KDM5B: variants seen among roughly 807,000 people sequenced by gnomAD.
KDM5B encodes lysine-specific demethylase 5B.
A neutral mutation model predicts 193.4 loss-of-function variants in KDM5B; 144 were observed. The observed-to-expected ratio is 0.74, with a 90% CI of 0.65 to 0.86. KDM5B has a LOEUF of 0.86. KDM5B is among the 40% of genes least tolerant of loss of function. KDM5B has a pLI of 0.00. For missense variants in KDM5B, 1,833 were observed against 1,886.9 expected (o/e 0.97, Z 0.53); for synonymous variants, 668 against 682.6 (o/e 0.98, Z 0.33).
chr1:202,794,789 T>C (rs969123258), intron 1 of KDM5B, among the ~76,000 whole-genome samples: 4 of 152,210 alleles, frequency 2.6e-5, no homozygotes, highest in Admixed American at 6.5e-5. Context: ...CCTGAAACCA[T>C]GGATAGCAAA....
At chr1:202,742,546 T>C (rs748985857) in intron 17 of KDM5B, 41 bp from the exon 18 acceptor site, 1 of 1,602,356 alleles carries the variant, frequency 6.2e-7, no homozygotes. Flanking sequence ...TAAGAATACA[T>C]ACATGTCCAC....
At position 202,808,170 on chromosome 1, in the gene KDM5B, AG is replaced by A; in HGVS notation, c.135del (p.Phe46SerfsTer10). ...FEPSWEEFAD[P>X]FAFIHKIRPI... Reference sequence around the variant, plus strand: ...GGCCGGATCTTGTGGATGAAAGCGAAGGGGTCCGCGAACTCTTCCCAGCTGG... The same window carrying A: ...GGCCGGATCTTGTGGATGAAAGCGAAGGGTCCGCGAACTCTTCCCAGCTGG... On this transcript the variant is annotated frameshift_variant, in exon 1 of 27. Coordinates refer to ENST00000367265, the MANE Select transcript of KDM5B (RefSeq NM_006618.5). LOFTEE classifies it high-confidence loss of function. 6.2e-7 allele frequency: 1 copy of A among 1,613,186 alleles called. No homozygotes were observed. Among genetic ancestry groups the A allele is most frequent in the Non-Finnish European group, 8.5e-7 (1 of 1,179,574 alleles).
At chr1:202,743,355 A>C (rs1194159228) in intron 16 of KDM5B, among the ~76,000 whole-genome samples, 2 of 151,668 alleles carry the variant, frequency 1.3e-5, no homozygotes, top group East Asian at 1.9e-4. Flanking sequence ...AAAAAAAAAA[A>C]AAAAAAAAAC....
chr1:202,758,228 G>T (rs905733293), intron 9 of KDM5B, among the ~76,000 whole-genome samples, 163 bp downstream of exon 9: 1 of 152,166 alleles, frequency 6.6e-6, no homozygotes, highest in Non-Finnish European at 1.5e-5. Flanking sequence ...GCTTTTTAAA[G>T]TATTGTGAAA....
intron 24 of KDM5B, among the ~76,000 whole-genome samples, 182 bp downstream of exon 24, chr1:202,731,646 T>C (rs1654886985): frequency 6.6e-6 from 1 of 152,192 alleles, no homozygotes; most frequent in Non-Finnish European, 1.5e-5. Context: ...TTCCTCTCTG[T>C]TCCTTTGCAT....
chr1:202,763,012 T>A lies in KDM5B; in HGVS notation c.809-204A>T, dbSNP rs371709227. Among the ~76,000 whole-genome samples, 17 of 152,314 alleles carry A rather than the reference T, an allele frequency of 1.1e-4. 1 individual carries two copies. The highest frequency in any genetic ancestry group is 6.5e-4 in the Admixed American group (10 of 15,282). On this transcript the variant is annotated intron_variant, in intron 6 of 26. Transcript: ENST00000367265. ...ATGCAAACTCTTGTGCCATTTAAAT[T>A]TCAAGATGTAGATTACTTCTGGAGA...
At chr1:202,774,845 ATTTT>A (rs11337395) in intron 2 of KDM5B, 110 bp from the exon 3 acceptor site, 3 of 1,012,272 alleles carry the variant, frequency 3.0e-6, no homozygotes, top group Non-Finnish European at 4.3e-6. Context: ...ACTTAAAAAA[ATTTT>A]TTTTTAATTT....
In KDM5B at chr1:202,735,427, A is replaced by G. The variant is rs1558480964; in HGVS notation, c.3423+2T>C. 2 of 1,610,928 alleles carry G rather than the reference A, an allele frequency of 1.2e-6. No homozygotes were observed. Among genetic ancestry groups the G allele is most frequent in the African/African-American group, 1.3e-5 (1 of 74,634 alleles). Reference sequence around the variant, plus strand: ...AAAGGAGAAGAAAAAAACCCTACATACAGCTGAAGCAGTCTCCTTGCTTTC... The same window carrying G: ...AAAGGAGAAGAAAAAAACCCTACATGCAGCTGAAGCAGTCTCCTTGCTTTC... On this transcript the variant is annotated splice_donor_variant, in intron 22 of 26. Transcript: ENST00000367265. LOFTEE classifies it high-confidence loss of function.
chr1:202,746,204 A>G lies in KDM5B; in HGVS notation c.2136T>C (p.Leu712=), dbSNP rs1382382607. 1.9e-6 allele frequency: 3 copies of G among 1,613,830 alleles called. No homozygotes were observed. Among genetic ancestry groups the G allele is most frequent in the Non-Finnish European group, 2.5e-6 (3 of 1,179,874 alleles). The change falls in exon 15 of 27, where the codon CTT becomes CTC. Residue 712 remains leucine (L), a synonymous_variant. Coordinates refer to ENST00000367265, the MANE Select transcript of KDM5B (RefSeq NM_006618.5). The stretch of plus-strand genomic sequence containing the variant: ...CTTTTACATGATGCAGGCAAACAAG[A>G]AGGCCAGGTTTACAAGAACAGGAGA... ...SAISCSCKPG[L]LVCLHHVKEL...
At chr1:202,733,188 G>A (rs187353175) in intron 23 of KDM5B, among the ~76,000 whole-genome samples, 1 of 152,328 alleles carries the variant, frequency 6.6e-6, no homozygotes, top group Admixed American at 6.5e-5. Flanking sequence ...TATAGAAAGA[G>A]TGCCTGGGAA....
At chr1:202,758,570 A>G (rs1656112791) in intron 8 of KDM5B, 60 bp from the exon 9 acceptor site, 6 of 1,383,406 alleles carry the variant, frequency 4.3e-6, no homozygotes, top group African/African-American at 1.4e-5. Context: ...TACTTGGTCA[A>G]TCATCAAGCT....
At chr1:202,794,029 C>T (rs2102335180) in intron 1 of KDM5B, among the ~76,000 whole-genome samples, 1 of 152,274 alleles carries the variant, frequency 6.6e-6, no homozygotes, top group Non-Finnish European at 1.5e-5. Flanking sequence ...CTGAGACAGG[C>T]AAAAGTCTAA....
chr1:202,752,797 G>T, intron 12 of KDM5B, 108 bp downstream of exon 12: 2 of 1,048,720 alleles, frequency 1.9e-6, no homozygotes, highest in Non-Finnish European at 2.8e-6. Context: ...ATCAAGTCAT[G>T]CTATGGAAAA....
Position 202,773,118 on chromosome 1 carries a change from C to T in KDM5B, c.576G>A (p.Arg192=), listed in dbSNP as rs565280351. 3.7e-6 allele frequency: 6 copies of T among 1,607,866 alleles called. No individual in the cohort carries two copies. In the East Asian group the frequency reaches 1.1e-4, roughly 30 times the overall value. Residue 192 remains arginine (R), a splice_region_variant and synonymous_variant, in exon 4 of 27, where the codon AGG becomes AGA. Transcript: ENST00000367265. ...GGTTAAGGCTAGCCCCCAAACTTAC[C>T]CTTAGGCTGTCTCCGGACAGGAATA... ...YNLFLSGDSL[R]CLQKPNLTTD... is the part of the protein sequence containing the mutation.
At chr1:202,739,963 C>T (rs967998647) in intron 20 of KDM5B, among the ~76,000 whole-genome samples, 1 of 152,256 alleles carries the variant, frequency 6.6e-6, no homozygotes, top group African/African-American at 2.4e-5. Context: ...CATTGTCATC[C>T]CGGCCCGTTC....
At chr1:202,770,514 AT>A (rs1398404571) in intron 4 of KDM5B, among the ~76,000 whole-genome samples, 1 of 152,234 alleles carries the variant, frequency 6.6e-6, no homozygotes, top group Non-Finnish European at 1.5e-5. Flanking sequence ...AAAAATTTAC[AT>A]ACAAGGAATA....
chr1:202,749,043 C>T lies in KDM5B; in HGVS notation c.1918G>A (p.Ala640Thr). Residue 640 changes from alanine to threonine, a missense_variant, in exon 14 of 27, where the codon GCT becomes ACT. Physicochemically the swap from Ala to Thr is moderately conservative, Grantham distance 58 (BLOSUM62 0). Around this residue, in one of 3 missense-constraint regions of KDM5B, gnomAD observed 1,379 missense variants for 1,349.6 expected, o/e 1.02. Transcript: ENST00000367265. ...DEMICKMASK[A>T]DVLDVVVAST... Reference sequence around the variant, plus strand: ...GCCACTACAACATCTAATACATCAGCCTTGGAAGCCATCTTGCAGATCATC... The same window carrying T: ...GCCACTACAACATCTAATACATCAGTCTTGGAAGCCATCTTGCAGATCATC... The T allele has an allele frequency of 1.2e-6, 2 of 1,614,124 alleles. No individual in the cohort carries two copies. The highest frequency in any genetic ancestry group is 1.7e-6 in the Non-Finnish European group (2 of 1,179,980).
Position 202,733,739 on chromosome 1 carries a change from G to T in KDM5B, c.3571C>A (p.Gln1191Lys). ...AAAGCATCCCTGCAGAGTTCACATT[G>T]AATCATAGGGGCAGCTGGGGCCTTC... ...CQKAPAAPMI[Q>K]CELCRDAFHT... Residue 1191 changes from glutamine to lysine, a missense_variant, in exon 23 of 27, where the codon CAA becomes AAA. Gln to Lys is a moderately conservative substitution (Grantham distance 53, BLOSUM62 1). Around this residue, in one of 3 missense-constraint regions of KDM5B, gnomAD observed 1,379 missense variants for 1,349.6 expected, o/e 1.02. Coordinates refer to ENST00000367265, the MANE Select transcript of KDM5B (RefSeq NM_006618.5). 1 of 1,614,128 alleles carries T rather than the reference G, an allele frequency of 6.2e-7. No individual in the cohort carries two copies. The highest frequency in any genetic ancestry group is 8.5e-7 in the Non-Finnish European group (1 of 1,180,014).
In KDM5B at chr1:202,762,280, CTTCTT is replaced by C. The variant is rs1444072381; in HGVS notation, c.918+414_918+418del. On this transcript the variant is annotated intron_variant, in intron 7 of 26. Transcript: ENST00000367265. ...CCTTCTTCCTTTCTCTTTTTTGTTC[CTTCTT>C]TTCATTTCCTTCCTTCCCTTTGCTA... Among the ~76,000 whole-genome samples, 24 of 150,400 alleles carry C rather than the reference CTTCTT, an allele frequency of 1.6e-4. No individual in the cohort carries two copies. In the East Asian group the frequency reaches 3.9e-3, roughly 24 times the overall value.
Sources: allele counts gnomAD v4.1 joint callset (sites outside exome capture counted in the v4.1 genomes callset), GRCh38; gene constraint gnomAD v4.1.1; regional missense constraint gnomAD v4.1.1; transcripts MANE v1.5; gene names NCBI Gene and HGNC (gene_info 2026-07-23, HGNC 2026-07-21).